The following ANO3 variants were observed in gnomAD, a reference collection of about 807,000 sequenced individuals.
ANO3 encodes the protein anoctamin 3, also known as anoctamin-3.
ANO3 carries 99 observed loss-of-function variants against 144.8 expected under a neutral mutation model. That is an observed-to-expected ratio of 0.68 (90% confidence interval 0.58 to 0.81). The LOEUF (loss-of-function observed/expected upper bound fraction) is 0.81. ANO3 is among the 30% of genes least tolerant of loss of function. The pLI is 0.00. For synonymous variants in ANO3, 414 were observed against 392.6 expected, an observed-to-expected ratio of 1.05 and a Z score of -0.64; for missense variants, 905 against 1,202.2, an observed-to-expected ratio of 0.75 and a Z score of 3.66.
intron 1 of ANO3, among the ~76,000 whole-genome samples, chr11:26,238,474 T>C (rs1398599711): frequency 2.6e-5 from 4 of 152,110 alleles, no homozygotes; most frequent in Non-Finnish European, 1.5e-5. Flanking sequence ...CTCTAAAATT[T>C]ACAGTTTACC....
intron 18 of ANO3, among the ~76,000 whole-genome samples, chr11:26,633,916 A>C (rs1169782717): frequency 6.6e-6 from 1 of 151,854 alleles, no homozygotes; most frequent in Non-Finnish European, 1.5e-5. Context: ...ACTTCTACTA[A>C]AAATACAAAA....
At chr11:26,416,868 G>T (rs1857603405) in intron 1 of ANO3, among the ~76,000 whole-genome samples, 1 of 151,920 alleles carries the variant, frequency 6.6e-6, no homozygotes, top group Admixed American at 6.6e-5. Flanking sequence ...TCAAAGCCTG[G>T]GTAAACACAA....
chr11:26,541,691 A>G (rs971213878), intron 10 of ANO3, among the ~76,000 whole-genome samples: 4 of 152,170 alleles, frequency 2.6e-5, no homozygotes, highest in Non-Finnish European at 5.9e-5. Flanking sequence ...CCTAGAGTCT[A>G]CTTTACTTTA....
intron 1 of ANO3, among the ~76,000 whole-genome samples, chr11:26,227,987 AT>A (rs764006795): frequency 6.6e-6 from 1 of 152,112 alleles, no homozygotes; most frequent in Non-Finnish European, 1.5e-5. Flanking sequence ...AAATCTAATT[AT>A]TTACTTGGTT....
chr11:26,209,952 G>T (rs549491727), intron 1 of ANO3, among the ~76,000 whole-genome samples: 1 of 150,722 alleles, frequency 6.6e-6, no homozygotes, highest in East Asian at 1.9e-4. Context: ...GTTCACTCAT[G>T]GTAGTTTCTT....
intron 9 of ANO3, among the ~76,000 whole-genome samples, chr11:26,536,333 A>AG (rs1177200835): frequency 6.6e-6 from 1 of 151,608 alleles, no homozygotes; most frequent in African/African-American, 2.4e-5. Context: ...AAAAAAAAAA[A>AG]GAAAGAAACT....
intron 1 of ANO3, among the ~76,000 whole-genome samples, chr11:26,358,552 C>A (rs1359672189): frequency 6.9e-6 from 1 of 145,826 alleles, no homozygotes; most frequent in Non-Finnish European, 1.5e-5. Flanking sequence ...AATTGACCAT[C>A]ATAATTTTTT....
At chr11:26,618,745 G>A (rs945457866) in intron 17 of ANO3, among the ~76,000 whole-genome samples, 5 of 152,074 alleles carry the variant, frequency 3.3e-5, no homozygotes, top group African/African-American at 1.2e-4. Flanking sequence ...GTCCCCCAGG[G>A]AACTTTGCTC....
At chr11:26,301,778 C>G (rs1854238904) in intron 1 of ANO3, among the ~76,000 whole-genome samples, 1 of 152,120 alleles carries the variant, frequency 6.6e-6, no homozygotes, top group African/African-American at 2.4e-5. Flanking sequence ...CCTATTGTTA[C>G]AAAAACCTTC....
chr11:26,255,792 A>G (rs1386817228), intron 1 of ANO3, among the ~76,000 whole-genome samples: 2 of 152,162 alleles, frequency 1.3e-5, no homozygotes, highest in South Asian at 2.1e-4. Context: ...CAACTAAATC[A>G]TGATGCTCTA....
chr11:26,487,350 A>G (rs547215913), intron 4 of ANO3, among the ~76,000 whole-genome samples: 1 of 152,336 alleles, frequency 6.6e-6, no homozygotes, highest in African/African-American at 2.4e-5. Context: ...GCCTCCCACC[A>G]TAGTTCTGAG....
chr11:26,454,767 C>CAA (rs562833535), intron 3 of ANO3, among the ~76,000 whole-genome samples: 1 of 151,592 alleles, frequency 6.6e-6, no homozygotes, highest in Non-Finnish European at 1.5e-5. Flanking sequence ...AGAGACACAA[C>CAA]AAAAAAAGAG....
intron 4 of ANO3, among the ~76,000 whole-genome samples, chr11:26,481,454 G>T (rs1391272261): frequency 6.6e-6 from 1 of 152,176 alleles, no homozygotes; most frequent in Non-Finnish European, 1.5e-5. Context: ...ATTTCCACAG[G>T]TGGGATTTTT....
At chr11:26,386,707 T>C (rs1009106122) in intron 1 of ANO3, among the ~76,000 whole-genome samples, 1 of 152,182 alleles carries the variant, frequency 6.6e-6, no homozygotes, top group African/African-American at 2.4e-5. Context: ...ATGTAAGGAC[T>C]ATGTAATCTT....
At chr11:26,472,707 G>T (rs1392396654) in intron 4 of ANO3, among the ~76,000 whole-genome samples, 1 of 151,856 alleles carries the variant, frequency 6.6e-6, no homozygotes, top group African/African-American at 2.4e-5. Flanking sequence ...TGAGGCTCCT[G>T]TGCTTAGTTA....
chr11:26,427,728 C>T (rs1026547780), intron 1 of ANO3, among the ~76,000 whole-genome samples: 3 of 151,958 alleles, frequency 2.0e-5, no homozygotes, highest in African/African-American at 7.2e-5. Flanking sequence ...AAGACATACC[C>T]GAGACTTGGT....
chr11:26,598,799 G>T, intron 15 of ANO3, 59 bp from the exon 16 acceptor site: 1 of 1,549,240 alleles, frequency 6.5e-7, no homozygotes, highest in East Asian at 2.3e-5. Context: ...TCAATTCTTG[G>T]GGGTATGTTT....
rs537141647 is a variant in ANO3 at position 26,378,685 on chromosome 11, T to G, written c.46+46364T>G. ...ATGACTGTATCAACAGAGGGGCAAA[T>G]TGAGGTGAAATATTACCTGCATTAC... On this transcript the variant is annotated intron_variant, in intron 1 of 26. Coordinates refer to ENST00000256737, the MANE Select transcript of ANO3 (RefSeq NM_031418.4). Among the ~76,000 whole-genome samples the G allele has an allele frequency of 2.0e-5, 3 of 152,052 alleles. No homozygotes were observed. In the South Asian group the frequency reaches 6.2e-4, roughly 32 times the overall value.
chr11:26,377,902 C>T (rs1293941783), intron 1 of ANO3, among the ~76,000 whole-genome samples: 3 of 152,040 alleles, frequency 2.0e-5, no homozygotes, highest in Non-Finnish European at 4.4e-5. Context: ...ACTGTCCATG[C>T]AGAATTGCAT....
Sources: gnomAD v4.1 joint callset for allele counts (sites outside exome capture counted in the v4.1 genomes callset) on GRCh38, gnomAD v4.1.1 for gene constraint, MANE v1.5 for transcripts, NCBI Gene and HGNC (gene_info 2026-07-23, HGNC 2026-07-21) for gene names.